Variants in TSGA10 observed in about 807,000 individuals in gnomAD.
TSGA10 encodes the protein testis-specific gene 10 protein.
Under a neutral mutation model 96.6 loss-of-function variants are expected in TSGA10, and 43 were observed. The observed-to-expected ratio is 0.44, with a 90% CI of 0.35 to 0.57. The LOEUF (loss-of-function observed/expected upper bound fraction) is 0.57. TSGA10 is among the 20% of genes least tolerant of loss of function. The probability of loss-of-function intolerance (pLI) is 0.01; values close to 1 mark genes in which losing one functional copy is unlikely to be tolerated. For missense variants in TSGA10, 703 were observed against 834.4 expected (o/e 0.84, Z 1.94); for synonymous variants, 229 against 269.9 (o/e 0.85, Z 1.48).
intron 16 of TSGA10, among the ~76,000 whole-genome samples, chr2:99,056,887 TG>T (rs1441575790): frequency 6.7e-6 from 1 of 148,532 alleles, no homozygotes; most frequent in Non-Finnish European, 1.5e-5. Flanking sequence ...CATGACCAAG[TG>T]GGATTTATCT....
intron 7 of TSGA10, among the ~76,000 whole-genome samples, chr2:99,108,309 A>G (rs916045442): frequency 2.0e-5 from 3 of 152,126 alleles, no homozygotes; most frequent in African/African-American, 7.2e-5. Flanking sequence ...AAAAATTGTG[A>G]TACTTTTAAA....
At chr2:99,074,180 T>A (rs187106483) in intron 12 of TSGA10, among the ~76,000 whole-genome samples, 1 of 151,996 alleles carries the variant, frequency 6.6e-6, no homozygotes, top group East Asian at 1.9e-4. Flanking sequence ...GCCCAGCTAA[T>A]TTTTTGTATA....
intron 16 of TSGA10, among the ~76,000 whole-genome samples, chr2:99,054,580 A>G (rs181347532): frequency 6.6e-6 from 1 of 152,264 alleles, no homozygotes; most frequent in East Asian, 1.9e-4. Flanking sequence ...AATCTACAAA[A>G]TGGGAAAAAA....
intron 2 of TSGA10, among the ~76,000 whole-genome samples, chr2:99,119,218 T>C (rs2092445955): frequency 6.6e-6 from 1 of 152,286 alleles, no homozygotes; most frequent in African/African-American, 2.4e-5. Context: ...TTAAATATGC[T>C]ACAATGCCAT....
chr2:99,026,018 A>C (rs1305721147), intron 17 of TSGA10, among the ~76,000 whole-genome samples: 1 of 152,196 alleles, frequency 6.6e-6, no homozygotes, highest in Non-Finnish European at 1.5e-5. Context: ...TGTATGATCT[A>C]TTCTGGAGGA....
Position 99,081,311 on chromosome 2 carries a change from T to C in TSGA10, c.698A>G (p.Glu233Gly). Residue 233 changes from glutamate (E) to glycine (G), a missense_variant, in exon 11 of 21, where the codon GAG (glutamate) becomes GGG (glycine). Around this residue, in one of 3 missense-constraint regions of TSGA10, gnomAD observed 585 missense variants for 656.8 expected, o/e 0.89. Transcript: ENST00000393483. ...TTTTTCATCCAAGCACATAATTTTC[T>C]CCTGAGTAAGCTGTAGCTCATATTT... is the stretch of plus-strand genomic sequence containing the variant. The part of the protein sequence containing the change: ...KKKYELQLTQ[E>G]KIMCLDEKID... The C allele has an allele frequency of 6.3e-7, 1 of 1,584,022 alleles. No homozygotes were observed. The highest frequency in any genetic ancestry group is 8.6e-7 in the Non-Finnish European group (1 of 1,166,776).
chr2:99,011,957 T>C (rs2104880635), intron 20 of TSGA10, among the ~76,000 whole-genome samples: 1 of 152,124 alleles, frequency 6.6e-6, no homozygotes, highest in African/African-American at 2.4e-5. Context: ...AGATAAACTA[T>C]AAAGGAAAAC....
At chr2:99,119,553 T>C (rs763062976) in intron 2 of TSGA10, among the ~76,000 whole-genome samples, 33 of 152,320 alleles carry the variant, frequency 2.2e-4, no homozygotes, top group Non-Finnish European at 3.7e-4. Flanking sequence ...GAAATTGAAG[T>C]GTTATCAAAG....
intron 16 of TSGA10, among the ~76,000 whole-genome samples, chr2:99,041,408 G>A (rs2082170093): frequency 6.6e-6 from 1 of 152,160 alleles, no homozygotes; most frequent in Admixed American, 6.5e-5. Flanking sequence ...AAATCTGGAG[G>A]CATCACTTAC....
intron 16 of TSGA10, among the ~76,000 whole-genome samples, chr2:99,048,267 C>A (rs1330950158): frequency 1.3e-5 from 2 of 152,132 alleles, no homozygotes; most frequent in Non-Finnish European, 2.9e-5. Flanking sequence ...ACAGCCAAGA[C>A]AATCCTAAGG....
chr2:99,146,035 C>G (rs1303014896), intron 1 of TSGA10, among the ~76,000 whole-genome samples: 1 of 152,070 alleles, frequency 6.6e-6, no homozygotes, highest in Non-Finnish European at 1.5e-5. Context: ...GTAATCCAAG[C>G]ACTTTAGGAG....
At chr2:99,075,512 T>C (rs1199222498) in intron 12 of TSGA10, among the ~76,000 whole-genome samples, 1 of 152,192 alleles carries the variant, frequency 6.6e-6, no homozygotes, top group African/African-American at 2.4e-5. Flanking sequence ...TTATTCACTA[T>C]AATGTAGACT....
chr2:99,047,031 T>A (rs1042038749), intron 16 of TSGA10, among the ~76,000 whole-genome samples: 7 of 152,158 alleles, frequency 4.6e-5, no homozygotes, highest in Non-Finnish European at 1.0e-4. Context: ...AGGAAGAAGT[T>A]GAATCCCTGA....
intron 5 of TSGA10, 181 bp from the exon 6 acceptor site, chr2:99,109,693 A>G (rs1436849407): frequency 1.2e-5 from 4 of 345,498 alleles, no homozygotes; most frequent in South Asian, 7.9e-5. Flanking sequence ...AAAAAATTAT[A>G]TATCAGTAAT....
chr2:99,143,211 G>A (rs1223563695), intron 1 of TSGA10, among the ~76,000 whole-genome samples: 11 of 135,858 alleles, frequency 8.1e-5, no homozygotes, highest in Admixed American at 8.5e-5. Flanking sequence ...GCACGATCTC[G>A]GCTCACTGCA....
intron 17 of TSGA10, among the ~76,000 whole-genome samples, chr2:99,032,400 C>T (rs549779019): frequency 2.6e-5 from 4 of 152,314 alleles, no homozygotes; most frequent in Admixed American, 1.3e-4. Flanking sequence ...ACTTAAATTA[C>T]GGGTTCATTG....
At chr2:99,045,613 C>A (rs1223829400) in intron 16 of TSGA10, among the ~76,000 whole-genome samples, 1 of 152,190 alleles carries the variant, frequency 6.6e-6, no homozygotes, top group Non-Finnish European at 1.5e-5. Context: ...CAACTGGTAC[C>A]AGCCACTGCA....
chr2:99,106,218 A>G (rs2091319938), intron 7 of TSGA10, among the ~76,000 whole-genome samples: 1 of 152,128 alleles, frequency 6.6e-6, no homozygotes, highest in Non-Finnish European at 1.5e-5. Context: ...AAACCTGCAG[A>G]TTATTTAATA....
rs1181247049 is a variant in TSGA10 at position 99,127,169 on chromosome 2, G to A, written c.-613C>T. 1 of 1,284,484 alleles carries A rather than the reference G, an allele frequency of 7.8e-7. No individual in the cohort carries two copies. Among genetic ancestry groups the A allele is most frequent in the South Asian group, 1.3e-5 (1 of 79,578 alleles). The allele number at this position is 1,284,484 out of a possible 1,614,324, so 79.6% of individuals were successfully genotyped here. ...CCCTAGACCAAAATCATATTCTTTGGTGGTAACCTAGTACAAAGAATGGGA... is the reference window on the plus strand; with the variant it reads ...CCCTAGACCAAAATCATATTCTTTGATGGTAACCTAGTACAAAGAATGGGA... On this transcript the variant is annotated 5_prime_UTR_variant, in exon 2 of 21. Coordinates refer to ENST00000393483, the MANE Select transcript of TSGA10 (RefSeq NM_025244.4).
Sources: gnomAD v4.1 joint callset for allele counts (sites outside exome capture counted in the v4.1 genomes callset) on GRCh38, gnomAD v4.1.1 for gene constraint, gnomAD v4.1.1 regional missense constraint, MANE v1.5 for transcripts, NCBI Gene and HGNC (gene_info 2026-07-23, HGNC 2026-07-21) for gene names.